The following SPATA6 variants were observed in gnomAD, a reference collection of about 807,000 sequenced individuals.
SPATA6 encodes the protein spermatogenesis-associated protein 6.
In SPATA6, 56 loss-of-function variants were observed where a neutral mutation model predicts 65.3. The ratio of observed to expected loss-of-function variants is 0.86; its 90% confidence interval spans 0.69 to 1.07. The LOEUF (loss-of-function observed/expected upper bound fraction) is 1.07. Ranked by LOEUF, SPATA6 falls within the 50% of genes least tolerant of loss-of-function variation. The pLI, the probability that SPATA6 is intolerant of heterozygous loss-of-function variation, is 0.00. For synonymous variants in SPATA6, 199 were observed against 213.2 expected, an observed-to-expected ratio of 0.93 and a Z score of 0.58; for missense variants, 590 against 594.8, an observed-to-expected ratio of 0.99 and a Z score of 0.08.
intron 10 of SPATA6, among the ~76,000 whole-genome samples, chr1:48,358,593 A>AAG (rs1444681343): frequency 2.0e-5 from 3 of 152,094 alleles, no homozygotes; most frequent in Admixed American, 2.0e-4. Context: ...AAATCGAGGA[A>AAG]AGTCCCCTGA....
At chr1:48,347,400 G>A (rs1570237090) in intron 11 of SPATA6, among the ~76,000 whole-genome samples, 1 of 148,014 alleles carries the variant, frequency 6.8e-6, no homozygotes, top group African/African-American at 2.5e-5. Flanking sequence ...CATAGGTACG[G>A]GCCTATGTAT....
the SPATA6 span, among the ~76,000 whole-genome samples, chr1:48,280,119 G>A: frequency 3.2e-4 from 49 of 152,266 alleles, no homozygotes; most frequent in Middle Eastern, 3.4e-3. Context: ...AAATAAAGAT[G>A]TTCTTTGAAA....
intron 5 of SPATA6, among the ~76,000 whole-genome samples, chr1:48,405,330 A>G (rs1204746197): frequency 6.6e-6 from 1 of 152,198 alleles, no homozygotes; most frequent in Non-Finnish European, 1.5e-5. Context: ...AATTACCTTG[A>G]AACTTAGCGG....
At chr1:48,470,220 G>C (rs1375412904) in intron 1 of SPATA6, among the ~76,000 whole-genome samples, 1 of 152,188 alleles carries the variant, frequency 6.6e-6, no homozygotes, top group East Asian at 1.9e-4. Context: ...AGTTACAACA[G>C]AGTACTTCCT....
chr1:48,308,807 T>C (rs529152694), intron 11 of SPATA6, among the ~76,000 whole-genome samples: 60 of 152,320 alleles, frequency 3.9e-4, no homozygotes, highest in Non-Finnish European at 6.5e-4. Flanking sequence ...GTTTTAAATC[T>C]TATTGAGGAA....
At chr1:48,443,896 C>T (rs1239382544) in intron 3 of SPATA6, among the ~76,000 whole-genome samples, 1 of 152,156 alleles carries the variant, frequency 6.6e-6, no homozygotes, top group African/African-American at 2.4e-5. Flanking sequence ...ACAAATGGAA[C>T]CCCAAATGAG....
At position 48,298,858 on chromosome 1, in the gene SPATA6, T is replaced by C. The variant is rs766695219; in HGVS notation, c.1322A>G (p.Asp441Gly). 14 of 1,613,536 alleles carry C rather than the reference T, an allele frequency of 8.7e-6. No homozygotes were observed. The highest frequency in any genetic ancestry group is 1.2e-5 in the Non-Finnish European group (14 of 1,179,860). The part of the protein sequence containing the change: ...CQQPRGTFHL[D>G]DGEYWSNRAA... ...CCTGTTGGACCAGTATTCACCGTCATCCAAATGGAAAGTGCCACGTGGCTG... is the reference window on the plus strand; with the variant it reads ...CCTGTTGGACCAGTATTCACCGTCACCCAAATGGAAAGTGCCACGTGGCTG... Residue 441 changes from aspartate (D) to glycine (G), a missense_variant, in exon 13 of 13, where the codon GAT becomes GGT. Transcript: ENST00000371847.
chr1:48,419,288 T>C (rs1185056276), intron 3 of SPATA6, among the ~76,000 whole-genome samples: 1 of 152,174 alleles, frequency 6.6e-6, no homozygotes, highest in East Asian at 1.9e-4. Flanking sequence ...GGTATTACTG[T>C]CTTCAAACCT....
At chr1:48,464,864 T>TTA (rs1254265377) in intron 1 of SPATA6, among the ~76,000 whole-genome samples, 3 of 152,146 alleles carry the variant, frequency 2.0e-5, no homozygotes, top group African/African-American at 7.2e-5. Context: ...TTTGTGTACT[T>TTA]TATGAATATA....
intron 11 of SPATA6, chr1:48,325,257 G>A: frequency 1.2e-6 from 1 of 832,408 alleles, no homozygotes; most frequent in Non-Finnish European, 2.0e-6. Flanking sequence ...TTTGGATATG[G>A]CATAAACAAG....
At chr1:48,467,157 C>A (rs1028062448) in intron 1 of SPATA6, among the ~76,000 whole-genome samples, 5 of 152,074 alleles carry the variant, frequency 3.3e-5, no homozygotes, top group African/African-American at 1.2e-4. Flanking sequence ...TTCCTCTTAG[C>A]AATATATTTT....
At chr1:48,394,564 G>C (rs905120848) in intron 8 of SPATA6, among the ~76,000 whole-genome samples, 4 of 151,930 alleles carry the variant, frequency 2.6e-5, no homozygotes, top group Admixed American at 2.0e-4. Context: ...TTTCAGAAAA[G>C]AATGTTTAAT....
At chr1:48,379,343 C>A (rs952154530) in intron 9 of SPATA6, among the ~76,000 whole-genome samples, 10 of 152,074 alleles carry the variant, frequency 6.6e-5, no homozygotes, top group Admixed American at 5.9e-4. Flanking sequence ...TCTCTTGACA[C>A]GTGGGGATTA....
At chr1:48,393,814 T>C (rs1309113378) in intron 8 of SPATA6, among the ~76,000 whole-genome samples, 7 of 152,082 alleles carry the variant, frequency 4.6e-5, no homozygotes, top group Admixed American at 3.3e-4. Flanking sequence ...GGTCCTCAAA[T>C]GGCAGCGAGA....
At chr1:48,373,063 C>G (rs1226550346) in intron 9 of SPATA6, among the ~76,000 whole-genome samples, 2 of 152,214 alleles carry the variant, frequency 1.3e-5, no homozygotes, top group Admixed American at 1.3e-4. Context: ...TAACACTAGG[C>G]TCCTTGCTAC....
At chr1:48,398,741 G>C (rs1286202895) in intron 7 of SPATA6, among the ~76,000 whole-genome samples, 1 of 151,668 alleles carries the variant, frequency 6.6e-6, no homozygotes, top group South Asian at 2.1e-4. Context: ...TTTAGCCAAA[G>C]TCTACTTGAT....
At chr1:48,353,230 AC>A (rs1400876141) in intron 11 of SPATA6, among the ~76,000 whole-genome samples, 1 of 152,008 alleles carries the variant, frequency 6.6e-6, no homozygotes. Context: ...CAGATTAAAA[AC>A]AGCTAAATGT....
At position 48,428,135 on chromosome 1, in the gene SPATA6, T is replaced by C. The variant is rs568950464; in HGVS notation, c.239-14984A>G. 1.6e-4 allele frequency among the ~76,000 whole-genome samples: 24 copies of C among 152,254 alleles called. 1 individual carries two copies. In the East Asian group the frequency reaches 2.7e-3, roughly 17 times the overall value. ...CCTAAAAACTTAACTACTAATAGCC[T>C]ACCACTGACCCAAAGCCTTAATAAT... On this transcript the variant is annotated intron_variant, in intron 3 of 12. Transcript: ENST00000371847.
chr1:48,386,191 A>G (rs1046260437), intron 8 of SPATA6, among the ~76,000 whole-genome samples: 2 of 152,194 alleles, frequency 1.3e-5, no homozygotes, highest in Non-Finnish European at 1.5e-5. Context: ...AACATGATAC[A>G]CTTCGTGAAA....
Sources: allele counts gnomAD v4.1 joint callset (sites outside exome capture counted in the v4.1 genomes callset), GRCh38; gene constraint gnomAD v4.1.1; transcripts MANE v1.5; gene names NCBI Gene and HGNC (gene_info 2026-07-23, HGNC 2026-07-21).